TMEM266: variants seen among roughly 807,000 people sequenced by gnomAD.
TMEM266 encodes the protein transmembrane protein 266.
In TMEM266, 33 loss-of-function variants were observed where a neutral mutation model predicts 50.5. The observed-to-expected ratio is 0.65, with a 90% CI of 0.50 to 0.87. The LOEUF (loss-of-function observed/expected upper bound fraction) is 0.87. TMEM266 is among the 40% of genes least tolerant of loss of function. The pLI, the probability that TMEM266 is intolerant of heterozygous loss-of-function variation, is 0.00. For synonymous variants in TMEM266, 310 were observed against 292.3 expected (o/e 1.06, Z -0.62); for missense variants, 655 against 695.1 (o/e 0.94, Z 0.65).
At chr15:76,109,654 T>C (rs1405687823) in intron 1 of TMEM266, among the ~76,000 whole-genome samples, 1 of 151,996 alleles carries the variant, frequency 6.6e-6, no homozygotes, top group Non-Finnish European at 1.5e-5. Context: ...GAATGAGACC[T>C]TGACTCCAAT....
At chr15:76,165,637 T>TG (rs1449068687) in intron 5 of TMEM266, among the ~76,000 whole-genome samples, 1 of 152,106 alleles carries the variant, frequency 6.6e-6, no homozygotes, top group East Asian at 1.9e-4. Flanking sequence ...GGGCTATGGC[T>TG]GGGGGTGGGG....
chr15:76,084,598 G>GTTTTTTTTTTTT (rs111324062), intron 1 of TMEM266, among the ~76,000 whole-genome samples: 1 of 87,680 alleles, frequency 1.1e-5, no homozygotes, highest in African/African-American at 3.7e-5. Flanking sequence ...GTTTTTTTTG[G>GTTTTTTTTTTTT]TTTTTTTTTT....
intron 10 of TMEM266, among the ~76,000 whole-genome samples, chr15:76,202,722 T>C (rs1263937264): frequency 2.0e-5 from 3 of 152,108 alleles, no homozygotes; most frequent in East Asian, 3.9e-4. Flanking sequence ...TTTTTACTTA[T>C]GGGAAAAATT....
At chr15:76,196,735 G>C (rs1480844597) in intron 9 of TMEM266, among the ~76,000 whole-genome samples, 1 of 152,014 alleles carries the variant, frequency 6.6e-6, no homozygotes, top group Non-Finnish European at 1.5e-5. Flanking sequence ...GGAGGGCGGG[G>C]TGCCAGCCCC....
At chr15:76,079,572 G>A (rs566668764) in intron 1 of TMEM266, among the ~76,000 whole-genome samples, 2 of 149,212 alleles carry the variant, frequency 1.3e-5, no homozygotes, top group East Asian at 2.0e-4. Context: ...GGCAGATCAC[G>A]AGGTCAGGAG....
rs201746326 is a variant in TMEM266 at position 76,203,890 on chromosome 15, C to T, written c.1171C>T (p.Arg391Cys). 257 of 1,614,192 alleles carry T rather than the reference C, an allele frequency of 1.6e-4. No individual in the cohort carries two copies. In the Middle Eastern group the frequency reaches 3.8e-3, roughly 24 times the overall value. The change falls in exon 11 of 11, where the codon CGC becomes TGC. Residue 391 changes from arginine to cysteine, a missense_variant. By Grantham distance (180) the Arg-to-Cys change is radical. This residue lies in a region of TMEM266 where 455 missense variants were observed against 401.8 expected (regional missense o/e 1.13). Transcript: ENST00000388942. Reference sequence around the variant, plus strand: ...CAGCGCCACCTCGGAGAGTGCCTCCCGCAGCTCAGTCACCCGGGCCCAGAG... The same window carrying T: ...CAGCGCCACCTCGGAGAGTGCCTCCTGCAGCTCAGTCACCCGGGCCCAGAG...
At chr15:76,162,984 C>A (rs1005269561) in intron 5 of TMEM266, among the ~76,000 whole-genome samples, 1 of 152,234 alleles carries the variant, frequency 6.6e-6, no homozygotes, top group African/African-American at 2.4e-5. Context: ...CCCACCGGGG[C>A]TCCTGCTGTC....
rs1483204532 is a variant in TMEM266 at position 76,171,077 on chromosome 15, G to A, written c.598G>A (p.Ala200Thr). ...CAATGGACCCAGGAGCCCCTGGGAC[G>A]CCATCAGCCTCATCATCATGCTCCG... is the stretch of plus-strand genomic sequence containing the variant. Residue 200 changes from alanine (A) to threonine (T), a missense_variant, in exon 7 of 11, where the codon GCC (alanine) becomes ACC (threonine). Ala to Thr is a moderately conservative substitution (Grantham distance 58, BLOSUM62 0). This residue lies in a region of TMEM266 where 101 missense variants were observed against 182.6 expected (regional missense o/e 0.55). Transcript: ENST00000388942. 9 of 1,613,182 alleles carry A rather than the reference G, an allele frequency of 5.6e-6. No homozygotes were observed. The highest frequency in any genetic ancestry group is 1.7e-5 in the Admixed American group (1 of 59,886).
At chr15:76,121,322 A>G (rs377299747) in intron 1 of TMEM266, among the ~76,000 whole-genome samples, 37 of 152,346 alleles carry the variant, frequency 2.4e-4, no homozygotes, top group African/African-American at 8.7e-4. Flanking sequence ...ACAATTGTCT[A>G]TAATGTATCA....
chr15:76,142,867 G>A (rs2955729), intron 3 of TMEM266, among the ~76,000 whole-genome samples: 19,312 of 152,146 alleles, frequency 0.13, 3,531 homozygotes, highest in African/African-American at 0.41. Flanking sequence ...AAATCATATG[G>A]CTGTGCAGAC....
chr15:76,180,028 A>G (rs1384876816), intron 8 of TMEM266, among the ~76,000 whole-genome samples: 1 of 152,176 alleles, frequency 6.6e-6, no homozygotes, highest in African/African-American at 2.4e-5. Context: ...TTGTACAACT[A>G]TTTCAACTAT....
At chr15:76,091,643 G>A (rs978222675) in intron 1 of TMEM266, among the ~76,000 whole-genome samples, 3 of 151,890 alleles carry the variant, frequency 2.0e-5, no homozygotes, top group Non-Finnish European at 4.4e-5. Context: ...TCTGCTTCCT[G>A]TTTCTACTTT....
intron 1 of TMEM266, among the ~76,000 whole-genome samples, chr15:76,100,174 G>A (rs536068674): frequency 1.3e-5 from 2 of 152,176 alleles, no homozygotes; most frequent in South Asian, 2.1e-4. Context: ...CCAAGTTGAC[G>A]TAGTAAGACA....
chr15:76,204,154 G>C lies in TMEM266; in HGVS notation c.1435G>C (p.Glu479Gln). The C allele has an allele frequency of 2.5e-6, 4 of 1,613,640 alleles. No individual in the cohort carries two copies. The highest frequency in any genetic ancestry group is 3.4e-6 in the Non-Finnish European group (4 of 1,180,008). ...CTCGGCCCAAACCAGCCCCGAGCTG[G>C]AACACAGGGTAAGTCTGTTCAACCA... The change falls in exon 11 of 11, where the codon GAA (glutamate) becomes CAA (glutamine). Residue 479 changes from glutamate (E) to glutamine (Q), a missense_variant. Transcript: ENST00000388942.
intron 9 of TMEM266, among the ~76,000 whole-genome samples, chr15:76,193,332 C>T (rs775376453): frequency 6.6e-6 from 1 of 152,142 alleles, no homozygotes; most frequent in African/African-American, 2.4e-5. Context: ...GTGATCCTCC[C>T]ACCTCAGCCT....
intron 1 of TMEM266, among the ~76,000 whole-genome samples, chr15:76,127,714 T>C (rs1254521439): frequency 1.3e-5 from 2 of 152,156 alleles, no homozygotes; most frequent in Admixed American, 1.3e-4. Context: ...CTCTGGTTCT[T>C]CAGCTTGGTC....
chr15:76,067,842 CA>C (rs1450536689), intron 1 of TMEM266, among the ~76,000 whole-genome samples: 1 of 151,550 alleles, frequency 6.6e-6, no homozygotes, highest in East Asian at 1.9e-4. Flanking sequence ...TATATCAAAC[CA>C]AAAATAATTA....
At chr15:76,165,743 G>A (rs1401293580) in intron 5 of TMEM266, among the ~76,000 whole-genome samples, 3 of 152,236 alleles carry the variant, frequency 2.0e-5, no homozygotes, top group Non-Finnish European at 2.9e-5. Flanking sequence ...GCGTGGATCT[G>A]CTTTCAGTCC....
chr15:76,135,921 C>T (rs1457235363), intron 2 of TMEM266, among the ~76,000 whole-genome samples: 1 of 151,162 alleles, frequency 6.6e-6, no homozygotes, highest in African/African-American at 2.4e-5. Context: ...CTCTGAACTT[C>T]CGGGATAACT....
Sources: allele counts gnomAD v4.1 joint callset (sites outside exome capture counted in the v4.1 genomes callset), GRCh38; gene constraint gnomAD v4.1.1; regional missense constraint gnomAD v4.1.1; transcripts MANE v1.5; gene names NCBI Gene and HGNC (gene_info 2026-07-23, HGNC 2026-07-21).